SMPD3: variants seen among roughly 807,000 people sequenced by gnomAD.
The protein encoded by SMPD3 is nSMase-2.
Under a neutral mutation model 55.7 loss-of-function variants are expected in SMPD3, and 21 were observed. The ratio of observed to expected loss-of-function variants is 0.38; its 90% CI spans 0.27 to 0.54. SMPD3 has a LOEUF of 0.54. Among genes scored for constraint, SMPD3 ranks in the 20% least tolerant of loss-of-function variants. The pLI is 0.80. For synonymous variants in SMPD3, 457 were observed against 404.3 expected, an observed-to-expected ratio of 1.13 and a Z score of -1.56; for missense variants, 842 against 899.6, an observed-to-expected ratio of 0.94 and a Z score of 0.82.
At chr16:68,402,005 A>G (rs2090211464) in intron 1 of SMPD3, among the ~76,000 whole-genome samples, 1 of 152,040 alleles carries the variant, frequency 6.6e-6, no homozygotes, top group African/African-American at 2.4e-5. Flanking sequence ...GGTTCTACGG[A>G]ATCCTACCCA....
In SMPD3 at chr16:68,372,285, G is replaced by C; in HGVS notation, c.-104C>G. 2.1e-6 allele frequency: 3 copies of C among 1,456,916 alleles called. No homozygotes were observed. The highest frequency in any genetic ancestry group is 2.8e-6 in the Non-Finnish European group (3 of 1,071,370). The allele number at this position is 1,456,916 out of a possible 1,614,324, so 90.2% of individuals were successfully genotyped here. On this transcript the variant is annotated 5_prime_UTR_variant, in exon 3 of 9. Coordinates refer to ENST00000219334, the MANE Select transcript of SMPD3 (RefSeq NM_018667.4). ...GGCGAGTTGGGGGCAGCTGGAGGAG[G>C]GGTCACCTCCTGGCGAGATGCAACT... is the stretch of plus-strand genomic sequence containing the variant.
At chr16:68,368,296 TC>T (rs1323654439) in intron 3 of SMPD3, 1 of 114,772 alleles carries the variant, frequency 8.7e-6, no homozygotes. Context: ...GAGCCCCTCA[TC>T]GGGGTTGTGG....
intron 1 of SMPD3, among the ~76,000 whole-genome samples, chr16:68,443,912 C>T (rs2090587036): frequency 6.6e-6 from 1 of 152,162 alleles, no homozygotes; most frequent in Admixed American, 6.5e-5. Flanking sequence ...TCTGTGTAAC[C>T]TTGGGAAAGC....
At chr16:68,397,024 T>G (rs2090163370) in intron 1 of SMPD3, among the ~76,000 whole-genome samples, 2 of 152,020 alleles carry the variant, frequency 1.3e-5, no homozygotes. Flanking sequence ...CTGGGGAGGG[T>G]AGGTATTATT....
chr16:68,420,644 C>A (rs2090385956), intron 1 of SMPD3, among the ~76,000 whole-genome samples: 1 of 152,206 alleles, frequency 6.6e-6, no homozygotes, highest in Admixed American at 6.5e-5. Flanking sequence ...ACCAGCTGAT[C>A]AGGACTACTC....
chr16:68,375,761 G>A (rs2089795896), intron 2 of SMPD3, among the ~76,000 whole-genome samples: 1 of 152,230 alleles, frequency 6.6e-6, no homozygotes, highest in Non-Finnish European at 1.5e-5. Flanking sequence ...TCCTGGGCTG[G>A]CCAGAGGACT....
chr16:68,439,703 A>G (rs1219156183), intron 1 of SMPD3, among the ~76,000 whole-genome samples: 5 of 152,196 alleles, frequency 3.3e-5, no homozygotes. Flanking sequence ...AGCTTAATAC[A>G]TATTTCTTTG....
chr16:68,394,882 G>A (rs555527556), intron 1 of SMPD3, among the ~76,000 whole-genome samples: 1 of 152,294 alleles, frequency 6.6e-6, no homozygotes, highest in East Asian at 1.9e-4. Flanking sequence ...CATTCCAATG[G>A]TGGCCTCAGG....
chr16:68,439,859 A>G (rs1243030803), intron 1 of SMPD3, among the ~76,000 whole-genome samples: 1 of 152,208 alleles, frequency 6.6e-6, no homozygotes, highest in Non-Finnish European at 1.5e-5. Flanking sequence ...TCTGGTTTCC[A>G]GATTTACGTT....
Position 68,371,416 on chromosome 16 carries a change from G to C in SMPD3, c.766C>G (p.Pro256Ala). 6.4e-7 allele frequency: 1 copy of C among 1,570,182 alleles called. No individual in the cohort carries two copies. Among genetic ancestry groups the C allele is most frequent in the African/African-American group, 1.4e-5 (1 of 73,932 alleles). ...RIGGEEGGRP[P>A]EADDPVPGGQ... ...CCAGGCACAGGGTCGTCAGCTTCAG[G>C]TGGCCGGCCGCCCTCCTCGCCACCG... The change falls in exon 3 of 9, where the codon CCT (proline) becomes GCT (alanine). Residue 256 changes from proline to alanine, a missense_variant. By Grantham distance (27) the Pro-to-Ala change is conservative (BLOSUM62 -1). Around this residue, in one of 2 missense-constraint regions of SMPD3, gnomAD observed 649 missense variants for 643.6 expected, o/e 1.01. Coordinates refer to ENST00000219334, the MANE Select transcript of SMPD3 (RefSeq NM_018667.4).
chr16:68,417,669 C>T (rs2090349827), intron 1 of SMPD3, among the ~76,000 whole-genome samples: 1 of 152,192 alleles, frequency 6.6e-6, no homozygotes, highest in South Asian at 2.1e-4. Flanking sequence ...GAGACCAGTC[C>T]TAGACCTACA....
At chr16:68,370,823 G>A (rs772640865) in intron 3 of SMPD3, 36 bp downstream of exon 3, 1 of 1,609,058 alleles carries the variant, frequency 6.2e-7, no homozygotes, top group Non-Finnish European at 8.5e-7. Flanking sequence ...AGGACCAGCT[G>A]GCACGTGGTC....
chr16:68,392,887 A>G (rs1567798078), intron 1 of SMPD3, among the ~76,000 whole-genome samples: 3 of 151,510 alleles, frequency 2.0e-5, no homozygotes, highest in Non-Finnish European at 4.4e-5. Context: ...ACCAAGGAAA[A>G]GCCATATGCG....
At chr16:68,374,544 C>T (rs1040403543) in intron 2 of SMPD3, among the ~76,000 whole-genome samples, 11 of 152,236 alleles carry the variant, frequency 7.2e-5, no homozygotes, top group Non-Finnish European at 8.8e-5. Flanking sequence ...GGCCAGTGCT[C>T]GTGGCTCAGT....
At chr16:68,424,741 C>T (rs1940856239) in intron 1 of SMPD3, among the ~76,000 whole-genome samples, 2 of 152,150 alleles carry the variant, frequency 1.3e-5, no homozygotes, top group African/African-American at 2.4e-5. Flanking sequence ...GATGGGGTCT[C>T]ACTCTGTGAC....
chr16:68,379,093 T>C (rs1242642948), intron 2 of SMPD3, among the ~76,000 whole-genome samples: 1 of 152,246 alleles, frequency 6.6e-6, no homozygotes, highest in African/African-American at 2.4e-5. Flanking sequence ...ATGTGATCTT[T>C]CTAAAATGCG....
intron 2 of SMPD3, among the ~76,000 whole-genome samples, chr16:68,385,181 G>A (rs1410879806): frequency 1.3e-5 from 2 of 152,128 alleles, no homozygotes; most frequent in Admixed American, 6.5e-5. Flanking sequence ...ATGAGGAGAC[G>A]GAGACTCAGA....
Position 68,371,720 on chromosome 16 carries a change from G to A in SMPD3, c.462C>T (p.Ile154=), listed in dbSNP as rs369737564. The stretch of plus-strand genomic sequence containing the variant: ...CGGCCCCATTGCGGATTCTCTGCCC[G>A]ATCTCCTTGGCCCGCGCTTGGGTGT... The part of the protein sequence containing the change: ...LFNTQARAKE[I]GQRIRNGAAR... The change falls in exon 3 of 9, where the codon ATC becomes ATT. Residue 154 remains isoleucine (I), a synonymous_variant. Coordinates refer to ENST00000219334, the MANE Select transcript of SMPD3 (RefSeq NM_018667.4). The A allele has an allele frequency of 8.1e-5, 129 of 1,593,152 alleles. No individual in the cohort carries two copies. The highest frequency in any genetic ancestry group is 3.6e-4 in the African/African-American group (27 of 74,318).
chr16:68,371,268 C>T lies in SMPD3; in HGVS notation c.914G>A (p.Gly305Glu), dbSNP rs368000753. Residue 305 changes from glycine (G) to glutamate (E), a missense_variant, in exon 3 of 9, where the codon GGG becomes GAG. Transcript: ENST00000219334. ...GGCACTGGTGTCTGGCCCAGCTCGC[C>T]CCTTCACCAGGGACTCCCGGGAGGC... ...PSASRESLVK[G>E]RAGPDTSASG... 8 of 1,606,316 alleles carry T rather than the reference C, an allele frequency of 5.0e-6. No individual in the cohort carries two copies. Among genetic ancestry groups the T allele is most frequent in the Non-Finnish European group, 6.8e-6 (8 of 1,178,752 alleles).
Sources: gnomAD v4.1 joint callset for allele counts (sites outside exome capture counted in the v4.1 genomes callset) on GRCh38, gnomAD v4.1.1 for gene constraint, gnomAD v4.1.1 regional missense constraint, MANE v1.5 for transcripts, NCBI Gene and HGNC (gene_info 2026-07-23, HGNC 2026-07-21) for gene names.